The following LY86 variants were observed in gnomAD, a reference collection of about 807,000 sequenced individuals.
LY86 encodes MD-1, RP105-associated.
In LY86, 20 loss-of-function variants were observed where a neutral mutation model predicts 17.3. The ratio of observed to expected loss-of-function variants is 1.15; its 90% CI spans 0.81 to 1.68. The LOEUF (loss-of-function observed/expected upper bound fraction) is 1.68. Ranked by LOEUF, LY86 falls within the 40% of genes most tolerant of loss-of-function variation. The pLI is 0.00. For missense variants in LY86, 200 were observed against 191.9 expected, an observed-to-expected ratio of 1.04 and a Z score of -0.25; for synonymous variants, 74 against 70.6, an observed-to-expected ratio of 1.05 and a Z score of -0.24.
chr6:6,617,382 G>A (rs1761579536), intron 1 of LY86, among the ~76,000 whole-genome samples: 2 of 152,326 alleles, frequency 1.3e-5, no homozygotes, highest in Middle Eastern at 3.4e-3. Context: ...AGGCAAGGTA[G>A]TATAAAGTGA....
chr6:6,603,619 C>CAAAAAACAAAAAAAAAAACAA lies in LY86; in HGVS notation c.136+14755_136+14756insCAAAAAAAAAAACAAAAAAAA, dbSNP rs1561778071. On this transcript the variant is annotated intron_variant, in intron 1 of 4. Coordinates refer to ENST00000230568, the MANE Select transcript of LY86 (RefSeq NM_004271.4). ...AAACAGAAACAGAAAAAAAAACAAACAAAAAAAAACAAAACACACACACAC... is the reference window on the plus strand; with the variant it reads ...AAACAGAAACAGAAAAAAAAACAAACAAAAAACAAAAAAAAAAACAAAAAAAAAAACAAAACACACACACAC... 1.3e-3 allele frequency among the ~76,000 whole-genome samples: 148 copies of CAAAAAACAAAAAAAAAAACAA among 117,604 alleles called. 2 individuals are homozygous for CAAAAAACAAAAAAAAAAACAA. Among genetic ancestry groups the CAAAAAACAAAAAAAAAAACAA allele is most frequent in the African/African-American group, 4.4e-3 (143 of 32,426 alleles). The allele number at this position is 117,604 out of a possible 152,430, so 77.2% of individuals were successfully genotyped here.
intron 3 of LY86, among the ~76,000 whole-genome samples, chr6:6,637,895 A>G (rs1761982843): frequency 6.6e-6 from 1 of 152,204 alleles, no homozygotes; most frequent in Admixed American, 6.5e-5. Context: ...CGTATTTTGA[A>G]TGTCGTATGA....
chr6:6,612,839 C>T (rs768340992), intron 1 of LY86, among the ~76,000 whole-genome samples: 13 of 152,096 alleles, frequency 8.5e-5, no homozygotes, highest in Non-Finnish European at 1.6e-4. Flanking sequence ...AAACCTTGAG[C>T]TAGATACAGA....
chr6:6,639,869 CTG>C (rs1762013831), intron 3 of LY86, among the ~76,000 whole-genome samples: 1 of 152,160 alleles, frequency 6.6e-6, no homozygotes, highest in Non-Finnish European at 1.5e-5. Context: ...TTGCTGAACT[CTG>C]TGTGCCATGT....
intron 1 of LY86, among the ~76,000 whole-genome samples, chr6:6,612,468 G>C (rs187393885): frequency 6.6e-6 from 1 of 152,132 alleles, no homozygotes; most frequent in Non-Finnish European, 1.5e-5. Flanking sequence ...CTTCATAAAA[G>C]CAATGCAGAC....
intron 4 of LY86, among the ~76,000 whole-genome samples, chr6:6,653,120 C>G (rs2113169773): frequency 6.6e-6 from 1 of 152,328 alleles, no homozygotes; most frequent in East Asian, 1.9e-4. Flanking sequence ...ATGGGAGCGT[C>G]TAGAATCATG....
At chr6:6,605,817 G>C (rs111866059) in intron 1 of LY86, among the ~76,000 whole-genome samples, 1 of 150,880 alleles carries the variant, frequency 6.6e-6, no homozygotes, top group Non-Finnish European at 1.5e-5. Flanking sequence ...TCGTGGTCTC[G>C]CTGGCTGACT....
intron 1 of LY86, among the ~76,000 whole-genome samples, chr6:6,624,327 A>G (rs934757878): frequency 2.1e-5 from 3 of 140,722 alleles, no homozygotes; most frequent in African/African-American, 8.1e-5. Flanking sequence ...TATCTAACAC[A>G]ATACCTTGTA....
At chr6:6,598,804 T>C (rs1012212482) in intron 1 of LY86, among the ~76,000 whole-genome samples, 2 of 151,348 alleles carry the variant, frequency 1.3e-5, no homozygotes, top group African/African-American at 4.9e-5. Context: ...TCTCCACATA[T>C]CATTAGAGGG....
intron 3 of LY86, among the ~76,000 whole-genome samples, chr6:6,632,438 A>C (rs1160304158): frequency 6.6e-6 from 1 of 152,194 alleles, no homozygotes; most frequent in Non-Finnish European, 1.5e-5. Context: ...ACGCGTTAGA[A>C]ATCACAGCAC....
In LY86 at chr6:6,603,101, C is replaced by T. The variant is rs1379170979; in HGVS notation, c.136+14231C>T. Among the ~76,000 whole-genome samples the T allele has an allele frequency of 4.6e-5, 7 of 152,088 alleles. No homozygotes were observed. In the East Asian group the frequency reaches 1.2e-3, roughly 25 times the overall value. On this transcript the variant is annotated intron_variant, in intron 1 of 4. Transcript: ENST00000230568. The stretch of plus-strand genomic sequence containing the variant: ...TCCTCCCGACTCTGTCCTTATATGG[C>T]AGAAAGGGCAAACAAGCTCCCTCAG...
At chr6:6,653,915 C>A (rs1762222870) in intron 4 of LY86, among the ~76,000 whole-genome samples, 1 of 152,218 alleles carries the variant, frequency 6.6e-6, no homozygotes. Flanking sequence ...TTCCTGCAAT[C>A]GCCTCCCATC....
At chr6:6,650,498 C>A (rs1762172129) in intron 4 of LY86, among the ~76,000 whole-genome samples, 1 of 152,128 alleles carries the variant, frequency 6.6e-6, no homozygotes, top group South Asian at 2.1e-4. Context: ...CCACGCCCAG[C>A]TAATTTTTGG....
chr6:6,632,755 C>T (rs1019866015), intron 3 of LY86, among the ~76,000 whole-genome samples: 1 of 152,208 alleles, frequency 6.6e-6, no homozygotes, highest in Non-Finnish European at 1.5e-5. Flanking sequence ...TTATTTTCTA[C>T]CACTGGCTTG....
chr6:6,644,418 A>T (rs1237111148), intron 3 of LY86, among the ~76,000 whole-genome samples: 2 of 151,994 alleles, frequency 1.3e-5, no homozygotes, highest in Non-Finnish European at 2.9e-5. Flanking sequence ...CAGGAGGCTG[A>T]GGTGGGAAGA....
chr6:6,597,336 T>C (rs952387010), intron 1 of LY86, among the ~76,000 whole-genome samples: 2 of 151,900 alleles, frequency 1.3e-5, no homozygotes, highest in African/African-American at 4.8e-5. Flanking sequence ...TGGACAGAGG[T>C]TGTCGATCCT....
chr6:6,595,175 G>A (rs1201573973), intron 1 of LY86, among the ~76,000 whole-genome samples: 2 of 150,996 alleles, frequency 1.3e-5, no homozygotes, highest in African/African-American at 4.9e-5. Flanking sequence ...GCGGAAGGAG[G>A]AGGAAAAAGA....
chr6:6,630,707 C>T (rs576150854), intron 3 of LY86, among the ~76,000 whole-genome samples: 92 of 152,282 alleles, frequency 6.0e-4, no homozygotes, highest in African/African-American at 2.2e-3. Context: ...ACCAAGCGCG[C>T]CGTTACCCCA....
At chr6:6,598,781 C>T (rs1168636637) in intron 1 of LY86, among the ~76,000 whole-genome samples, 1 of 62,034 alleles carries the variant, frequency 1.6e-5, no homozygotes, top group Non-Finnish European at 4.2e-5. Flanking sequence ...GAAACTCATG[C>T]CTGCCCTTGC....
Sources: allele counts gnomAD v4.1 joint callset (sites outside exome capture counted in the v4.1 genomes callset), GRCh38; gene constraint gnomAD v4.1.1; transcripts MANE v1.5; gene names NCBI Gene and HGNC (gene_info 2026-07-23, HGNC 2026-07-21).